Variants in GALNTL6 observed in about 807,000 individuals in gnomAD.
GALNTL6 encodes the protein polypeptide N-acetylgalactosaminyltransferase-like 6.
In GALNTL6, 46 loss-of-function variants were observed where a neutral mutation model predicts 73.7. The ratio of observed to expected loss-of-function variants is 0.62; its 90% CI spans 0.49 to 0.80. The LOEUF (loss-of-function observed/expected upper bound fraction) is 0.80. GALNTL6 is among the 30% of genes least tolerant of loss of function. GALNTL6 has a pLI of 0.00. For missense variants in GALNTL6, 604 were observed against 755.0 expected (o/e 0.80, Z 2.34); for synonymous variants, 259 against 263.7 (o/e 0.98, Z 0.17).
Position 172,609,623 on chromosome 4 carries a change from C to CTGTGTGTGTG in GALNTL6, c.554-199737_554-199736insGTGTGTGTGT, listed in dbSNP as rs1414167008. Among the ~76,000 whole-genome samples the CTGTGTGTGTG allele has an allele frequency of 3.1e-3, 289 of 92,588 alleles. 5 individuals carry two copies. Among genetic ancestry groups the CTGTGTGTGTG allele is most frequent in the East Asian group, 0.016 (53 of 3,260 alleles). 60.7% of individuals were successfully genotyped at this position (92,588 alleles called of 152,430 possible). ...GTTTTCTCTCTCTCTCTCTCTCTCT[C>CTGTGTGTGTG]TCTGTGTGTGTGTGTGTGTGTGTGT... On this transcript the variant is annotated intron_variant, in intron 5 of 12. Coordinates refer to ENST00000506823, the MANE Select transcript of GALNTL6 (RefSeq NM_001034845.3).
intron 10 of GALNTL6, among the ~76,000 whole-genome samples, chr4:173,007,493 C>T (rs150134358): frequency 2.1e-4 from 32 of 152,226 alleles, no homozygotes; most frequent in Admixed American, 8.5e-4. Context: ...GGAAGATTGG[C>T]GAAACCTTCA....
intron 2 of GALNTL6, among the ~76,000 whole-genome samples, chr4:172,212,767 A>C (rs866598157): frequency 2.0e-5 from 3 of 152,064 alleles, no homozygotes; most frequent in Non-Finnish European, 4.4e-5. Context: ...CCCCGGGTTC[A>C]AGCGATTCTC....
intron 2 of GALNTL6, among the ~76,000 whole-genome samples, chr4:172,213,257 G>A (rs2110931238): frequency 6.6e-6 from 1 of 152,258 alleles, no homozygotes; most frequent in East Asian, 1.9e-4. Flanking sequence ...CATTTGCACT[G>A]AGTTTTTTTG....
intron 3 of GALNTL6, among the ~76,000 whole-genome samples, chr4:172,260,036 G>A (rs190207912): frequency 5.4e-4 from 82 of 151,154 alleles, no homozygotes; most frequent in African/African-American, 1.9e-3. Context: ...GCCTCCAGAT[G>A]TGTTCTTTTT....
chr4:173,019,376 G>A (rs1374927911), intron 11 of GALNTL6, among the ~76,000 whole-genome samples: 1 of 152,192 alleles, frequency 6.6e-6, no homozygotes, highest in Admixed American at 6.5e-5. Flanking sequence ...GAGGTGCAAG[G>A]ACAGGGTCCA....
chr4:171,930,764 G>A (rs1738157535), intron 2 of GALNTL6, among the ~76,000 whole-genome samples: 1 of 152,196 alleles, frequency 6.6e-6, no homozygotes, highest in African/African-American at 2.4e-5. Context: ...GAACCCAGGA[G>A]GCAGAGGTTG....
intron 2 of GALNTL6, among the ~76,000 whole-genome samples, chr4:172,192,081 T>A (rs2110880589): frequency 6.6e-6 from 1 of 152,222 alleles, no homozygotes; most frequent in South Asian, 2.1e-4. Context: ...AAAATGCTTA[T>A]TAAATTGAAA....
chr4:172,211,246 T>C (rs537841697), intron 2 of GALNTL6, among the ~76,000 whole-genome samples: 2 of 152,322 alleles, frequency 1.3e-5, no homozygotes, highest in South Asian at 2.1e-4. Flanking sequence ...AATAGTATTT[T>C]GAAAAACTGA....
chr4:172,412,506 C>T (rs920839048), intron 5 of GALNTL6, among the ~76,000 whole-genome samples: 1 of 152,108 alleles, frequency 6.6e-6, no homozygotes, highest in Non-Finnish European at 1.5e-5. Flanking sequence ...TAGCATAACG[C>T]AAGCAAAATA....
intron 5 of GALNTL6, among the ~76,000 whole-genome samples, chr4:172,578,848 T>C (rs1737058368): frequency 6.6e-6 from 1 of 152,220 alleles, no homozygotes; most frequent in Non-Finnish European, 1.5e-5. Flanking sequence ...AATTCAAATC[T>C]GCATAAGCGT....
At chr4:172,530,595 G>A (rs1203115253) in intron 5 of GALNTL6, among the ~76,000 whole-genome samples, 1 of 152,094 alleles carries the variant, frequency 6.6e-6, no homozygotes, top group African/African-American at 2.4e-5. Flanking sequence ...CTCACAGAGG[G>A]TCAGAAGATT....
intron 5 of GALNTL6, among the ~76,000 whole-genome samples, chr4:172,441,073 T>A (rs952376198): frequency 2.6e-5 from 4 of 152,140 alleles, no homozygotes; most frequent in African/African-American, 9.6e-5. Flanking sequence ...ATTAAACATC[T>A]CTTCCAACCT....
At chr4:172,864,950 G>A (rs1744587753) in intron 7 of GALNTL6, among the ~76,000 whole-genome samples, 2 of 152,166 alleles carry the variant, frequency 1.3e-5, no homozygotes, top group South Asian at 2.1e-4. Context: ...TAGCCATAGA[G>A]TGTCACTGTT....
intron 5 of GALNTL6, chr4:172,545,655 C>T (rs1470698989): frequency 6.6e-6 from 1 of 152,200 alleles, no homozygotes; most frequent in Non-Finnish European, 1.5e-5. Context: ...TTAGTTTAAA[C>T]ACTTGGGAAG....
intron 2 of GALNTL6, among the ~76,000 whole-genome samples, chr4:172,180,826 G>C (rs1735218192): frequency 6.6e-6 from 1 of 152,126 alleles, no homozygotes; most frequent in Non-Finnish European, 1.5e-5. Flanking sequence ...TTTGGTACCA[G>C]TACCATGCTG....
At chr4:172,126,398 T>C (rs10016776) in intron 2 of GALNTL6, among the ~76,000 whole-genome samples, 59,271 of 151,916 alleles carry the variant, frequency 0.39, 11,804 homozygotes, top group Non-Finnish European at 0.42. Context: ...CTCCACAAAG[T>C]AGAACCAAAA....
intron 7 of GALNTL6, among the ~76,000 whole-genome samples, chr4:172,831,069 G>GA (rs113622428): frequency 0.99 from 148,874 of 150,242 alleles, 73,767 homozygotes; most frequent in Middle Eastern, 1. Context: ...TGAGGCAAGA[G>GA]AAAGCTTGAA....
chr4:172,913,758 A>G (rs149098209), intron 8 of GALNTL6, among the ~76,000 whole-genome samples: 3 of 152,358 alleles, frequency 2.0e-5, no homozygotes, highest in African/African-American at 7.2e-5. Context: ...GACCAAATCT[A>G]CATTTGATTG....
Position 171,853,599 on chromosome 4 carries a change from C to CTTTTT in GALNTL6, c.138+38906_138+38910dup, listed in dbSNP as rs35078885. ...TTTTTCTCTCTTTTGTTTAGCCACT[C>CTTTTT]TTTTTTTTTTTTTTTTTTTTTTTTT... is the stretch of plus-strand genomic sequence containing the variant. On this transcript the variant is annotated intron_variant, in intron 2 of 12. Transcript: ENST00000506823. 8.8e-4 allele frequency among the ~76,000 whole-genome samples: 31 copies of CTTTTT among 35,362 alleles called. 11 individuals are homozygous for CTTTTT. Among genetic ancestry groups the CTTTTT allele is most frequent in the Non-Finnish European group, 1.4e-3 (26 of 18,618 alleles). 23.2% of individuals were successfully genotyped at this position (35,362 alleles called of 152,430 possible). A position where few individuals can be genotyped will look rare whatever the true frequency, so the allele number is the denominator to read the frequency against.
Sources: gnomAD v4.1 joint callset for allele counts (sites outside exome capture counted in the v4.1 genomes callset) on GRCh38, gnomAD v4.1.1 for gene constraint, MANE v1.5 for transcripts, NCBI Gene and HGNC (gene_info 2026-07-23, HGNC 2026-07-21) for gene names.